The following FMR1NB variants were observed in gnomAD, a reference collection of about 807,000 sequenced individuals.
FMR1NB encodes FMR1 neighbor protein.
FMR1NB carries 10 observed loss-of-function variants against 16.8 expected under a neutral mutation model. The observed-to-expected ratio is 0.60, with a 90% CI of 0.37 to 1.01. The LOEUF is 1.01. Among genes scored for constraint, FMR1NB ranks in the 50% least tolerant of loss-of-function variants. The pLI is 0.01. For missense variants in FMR1NB, 205 were observed against 204.8 expected (o/e 1.00, Z 0.00); for synonymous variants, 83 against 79.1 (o/e 1.05, Z -0.26).
Position 147,993,239 on chromosome X carries a change from AC to A in FMR1NB, c.278-9958del, listed in dbSNP as rs1440606040. Reference sequence around the variant, plus strand: ...AGACCGGCCCGGCCAACACAGCGAAACCCCGTCTCCACCAAAACCAGTCAGG... The same window carrying A: ...AGACCGGCCCGGCCAACACAGCGAAACCCGTCTCCACCAAAACCAGTCAGG... On this transcript the variant is annotated intron_variant, in intron 1 of 5. Transcript: ENST00000370467. Among the ~76,000 whole-genome samples, 3 of 112,558 alleles carry A rather than the reference AC, an allele frequency of 2.7e-5. No individual in the cohort carries two copies. The Admixed American group carries it at 2.8e-4, about 10-fold the overall frequency.
intron 4 of FMR1NB, among the ~76,000 whole-genome samples, chrX:148,012,991 A>C (rs1223296998): frequency 8.9e-6 from 1 of 111,852 alleles, no homozygotes; most frequent in East Asian, 2.8e-4. Flanking sequence ...AAAATCTATA[A>C]ATTTTGAAAA....
chrX:147,993,917 C>G (rs1025500265), intron 1 of FMR1NB, among the ~76,000 whole-genome samples: 2 of 108,702 alleles, frequency 1.8e-5, no homozygotes, highest in African/African-American at 7.0e-5. Context: ...CCTCCTCCTC[C>G]AGATTCTCCC....
At chrX:148,018,310 A>T (rs1477595648) in intron 4 of FMR1NB, among the ~76,000 whole-genome samples, 7 of 111,822 alleles carry the variant, frequency 6.3e-5, no homozygotes, top group Non-Finnish European at 1.1e-4. Flanking sequence ...GCATTTTTTC[A>T]TGTGTTTTTT....
At chrX:148,017,663 A>T (rs1557190237) in intron 4 of FMR1NB, among the ~76,000 whole-genome samples, 1 of 104,459 alleles carries the variant, frequency 9.6e-6, no homozygotes, top group African/African-American at 3.5e-5. Flanking sequence ...CACATTAGGT[A>T]TATCTCCCAA....
At chrX:148,024,525 TAGGAGTGGAAG>T (rs1342194779) in intron 4 of FMR1NB, among the ~76,000 whole-genome samples, 2 of 111,839 alleles carry the variant, frequency 1.8e-5, no homozygotes, top group Non-Finnish European at 3.8e-5. Context: ...CCCTCTAAAC[TAGGAGTGGAAG>T]AGCTGGCTTC....
At chrX:147,992,562 C>T (rs1339765339) in intron 1 of FMR1NB, among the ~76,000 whole-genome samples, 21 of 14,292 alleles carry the variant, frequency 1.5e-3, no homozygotes, top group Admixed American at 2.4e-3. Context: ...CGGGCGGAGA[C>T]GCTCCTCACT....
At chrX:147,994,297 A>G (rs2044530708) in intron 1 of FMR1NB, among the ~76,000 whole-genome samples, 1 of 112,385 alleles carries the variant, frequency 8.9e-6, no homozygotes, top group Admixed American at 9.4e-5. Context: ...ACTTCTATAC[A>G]CTATGTCACA....
intron 3 of FMR1NB, 71 bp from the exon 4 acceptor site, chrX:148,008,547 T>A: frequency 9.8e-7 from 1 of 1,021,731 alleles, no homozygotes; most frequent in Non-Finnish European, 1.4e-6. Flanking sequence ...TTATAAAGAC[T>A]TTATGAAAGA....
intron 1 of FMR1NB, among the ~76,000 whole-genome samples, chrX:147,999,164 T>C (rs907344034): frequency 1.8e-5 from 2 of 111,184 alleles, no homozygotes; most frequent in Admixed American, 9.6e-5. Context: ...GCACTCTGAG[T>C]TGGGGACTCT....
chrX:148,017,397 A>G (rs1301187038), intron 4 of FMR1NB, among the ~76,000 whole-genome samples: 1 of 110,695 alleles, frequency 9.0e-6, no homozygotes, highest in Non-Finnish European at 1.9e-5. Context: ...TTGTACTTGT[A>G]TATTGATATC....
At chrX:148,021,412 T>C (rs1292226174) in intron 4 of FMR1NB, among the ~76,000 whole-genome samples, 1 of 104,246 alleles carries the variant, frequency 9.6e-6, no homozygotes, top group East Asian at 2.9e-4. Flanking sequence ...TTTTTTTTTT[T>C]CCTGTGTAGA....
At chrX:147,994,173 G>T (rs968226104) in intron 1 of FMR1NB, among the ~76,000 whole-genome samples, 2 of 111,222 alleles carry the variant, frequency 1.8e-5, no homozygotes, top group African/African-American at 6.6e-5. Flanking sequence ...AATCCCAAGG[G>T]CTTCTTTCTC....
At chrX:148,007,466 T>G (rs1380541108) in intron 3 of FMR1NB, among the ~76,000 whole-genome samples, 7 of 111,346 alleles carry the variant, frequency 6.3e-5, no homozygotes, top group Non-Finnish European at 1.3e-4. Flanking sequence ...ATTTTTAGTT[T>G]TTTTGTAGAG....
At position 148,025,068 on chromosome X, in the gene FMR1NB, T is replaced by G. The variant is rs1432540970; in HGVS notation, c.*13+55T>G. On this transcript the variant is annotated intron_variant, in intron 5 of 5. Transcript: ENST00000370467. ...TGCTCAATCTCTGATTCTTGTTAGCTTTATATTTCTACCATCATCTTGGCT... is the reference window on the plus strand; with the variant it reads ...TGCTCAATCTCTGATTCTTGTTAGCGTTATATTTCTACCATCATCTTGGCT... The G allele has an allele frequency of 4.4e-6, 5 of 1,124,976 alleles. No individual in the cohort carries two copies. The African/African-American group carries it at 7.2e-5, about 16-fold the overall frequency. 92.7% of individuals were successfully genotyped at this position (1,124,976 alleles called of 1,213,427 possible). A position where few individuals can be genotyped will look rare whatever the true frequency, so the allele number is the denominator to read the frequency against.
intron 1 of FMR1NB, among the ~76,000 whole-genome samples, chrX:147,983,009 G>GT (rs1924893615): frequency 8.9e-6 from 1 of 112,236 alleles, no homozygotes; most frequent in Non-Finnish European, 1.9e-5. Flanking sequence ...ACCCCATGTA[G>GT]TTCCAAAATA....
intron 1 of FMR1NB, among the ~76,000 whole-genome samples, chrX:147,993,899 A>G (rs2044528091): frequency 1.8e-5 from 2 of 110,242 alleles, no homozygotes; most frequent in African/African-American, 6.7e-5. Flanking sequence ...CTTCACTCAA[A>G]GTCTTTCCCT....
chrX:147,985,482 C>CA (rs1359838136), intron 1 of FMR1NB, among the ~76,000 whole-genome samples: 2 of 110,452 alleles, frequency 1.8e-5, no homozygotes, highest in African/African-American at 6.6e-5. Flanking sequence ...CCCAACCCCT[C>CA]GACAGGCCCT....
intron 1 of FMR1NB, among the ~76,000 whole-genome samples, chrX:147,993,276 C>T (rs1347786997): frequency 4.5e-5 from 5 of 112,250 alleles, no homozygotes; most frequent in East Asian, 5.7e-4. Flanking sequence ...CGTGGCGGCG[C>T]GTGCCTGCAA....
chrX:148,020,012 CCCAGGCATGT>C (rs1557190492), intron 4 of FMR1NB, among the ~76,000 whole-genome samples: 1 of 112,124 alleles, frequency 8.9e-6, no homozygotes, highest in Non-Finnish European at 1.9e-5. Context: ...TCTTGCAGGC[CCCAGGCATGT>C]CCAGGGGTAC....
Sources: allele counts gnomAD v4.1 joint callset (sites outside exome capture counted in the v4.1 genomes callset), GRCh38; gene constraint gnomAD v4.1.1; transcripts MANE v1.5; gene names NCBI Gene and HGNC (gene_info 2026-07-23, HGNC 2026-07-21).